NR3C2: variants seen among roughly 807,000 people sequenced by gnomAD.
NR3C2 encodes nuclear receptor subfamily 3 group C member 2, also known as mineralocorticoid receptor.
In NR3C2, 15 loss-of-function variants were observed where a neutral mutation model predicts 86.4. That is an observed-to-expected ratio of 0.17 (90% CI 0.12 to 0.27). NR3C2 has a LOEUF of 0.27. Ranked by LOEUF, NR3C2 falls within the 10% of genes least tolerant of loss-of-function variation. NR3C2 has a pLI of 1.00. For synonymous variants in NR3C2, 458 were observed against 450.5 expected (o/e 1.02, Z -0.21); for missense variants, 960 against 1,195.6 (o/e 0.80, Z 2.91).
At position 148,108,501 on chromosome 4, in the gene NR3C2, C is replaced by T. The variant is rs1578890642; in HGVS notation, c.2799+5603G>A. Among the ~76,000 whole-genome samples the T allele has an allele frequency of 4.6e-5, 7 of 152,332 alleles. No individual in the cohort carries two copies. In the South Asian group the frequency reaches 1.5e-3, roughly 32 times the overall value. On this transcript the variant is annotated intron_variant, in intron 8 of 8. Coordinates refer to ENST00000358102, the MANE Select transcript of NR3C2 (RefSeq NM_000901.5). ...TACCACCAGATTTCTGTTCCTCACA[C>T]TACCCACCTTGCCCCTCTTGGAGCA... is the stretch of plus-strand genomic sequence containing the variant.
Position 148,081,165 on chromosome 4 carries a change from C to A in NR3C2, c.*179G>T. The stretch of plus-strand genomic sequence containing the variant: ...AATCCTTCAGACTGCTCTGGTCTCG[C>A]CAAATCCACGGAAAAACAGCTTTCC... On this transcript the variant is annotated 3_prime_UTR_variant, in exon 9 of 9. Transcript: ENST00000358102. 1 of 830,098 alleles carries A rather than the reference C, an allele frequency of 1.2e-6. No individual in the cohort carries two copies. The highest frequency in any genetic ancestry group is 2.0e-6 in the Non-Finnish European group (1 of 509,858). The allele number at this position is 830,098 out of a possible 1,614,324, so 51.4% of individuals were successfully genotyped here. A position where few individuals can be genotyped will look rare whatever the true frequency, so the allele number is the denominator to read the frequency against.
At chr4:148,326,445 T>G (rs1743976659) in intron 2 of NR3C2, among the ~76,000 whole-genome samples, 1 of 151,802 alleles carries the variant, frequency 6.6e-6, no homozygotes, top group Non-Finnish European at 1.5e-5. Context: ...AAAATAAATA[T>G]TTTTGAAGCA....
intron 2 of NR3C2, among the ~76,000 whole-genome samples, chr4:148,345,388 A>T (rs1395332823): frequency 6.6e-6 from 1 of 152,084 alleles, no homozygotes; most frequent in African/African-American, 2.4e-5. Flanking sequence ...AATAATTGGC[A>T]AGAGTAAAAA....
intron 2 of NR3C2, among the ~76,000 whole-genome samples, chr4:148,295,954 C>T (rs1179972164): frequency 1.4e-5 from 2 of 145,836 alleles, no homozygotes; most frequent in East Asian, 4.1e-4. Context: ...AAATTTCATC[C>T]AGAAACATGG....
chr4:148,194,282 C>T (rs1379598662), intron 4 of NR3C2, among the ~76,000 whole-genome samples: 1 of 152,150 alleles, frequency 6.6e-6, no homozygotes, highest in Non-Finnish European at 1.5e-5. Context: ...TTTTTACCCT[C>T]TCCTCCTCTT....
intron 2 of NR3C2, among the ~76,000 whole-genome samples, chr4:148,396,459 A>G (rs1234975192): frequency 6.6e-6 from 1 of 152,240 alleles, no homozygotes; most frequent in Non-Finnish European, 1.5e-5. Flanking sequence ...CCTCTTGTTA[A>G]CAAAGACTTT....
intron 2 of NR3C2, among the ~76,000 whole-genome samples, chr4:148,368,637 T>C (rs1579214462): frequency 6.6e-6 from 1 of 152,098 alleles, no homozygotes; most frequent in South Asian, 2.1e-4. Flanking sequence ...CAATATATAA[T>C]GGTTCGCTGA....
At position 148,080,633 on chromosome 4, in the gene NR3C2, AAT is replaced by A. The variant is rs1427157273; in HGVS notation, c.*709_*710del. 5.4e-6 allele frequency: 1 copy of A among 185,246 alleles called. No individual in the cohort carries two copies. The highest frequency in any genetic ancestry group is 2.3e-5 in the African/African-American group (1 of 43,296). 11.5% of individuals were successfully genotyped at this position (185,246 alleles called of 1,614,324 possible). On this transcript the variant is annotated 3_prime_UTR_variant, in exon 9 of 9. Coordinates refer to ENST00000358102, the MANE Select transcript of NR3C2 (RefSeq NM_000901.5). ...GTCCTTCATAATTTATACATACAGT[AAT>A]GTACAGCACAGCAAAAGACTGCAAA...
chr4:148,425,664 A>G (rs1161189668), intron 2 of NR3C2, among the ~76,000 whole-genome samples: 1 of 152,144 alleles, frequency 6.6e-6, no homozygotes, highest in Non-Finnish European at 1.5e-5. Context: ...TACAGACCCT[A>G]AATTATTTTA....
intron 2 of NR3C2, among the ~76,000 whole-genome samples, chr4:148,305,844 G>T (rs1742588455): frequency 6.6e-6 from 1 of 152,178 alleles, no homozygotes; most frequent in Non-Finnish European, 1.5e-5. Context: ...AAAACTCATA[G>T]AAGTTATTAA....
chr4:148,091,963 G>A (rs943016111), intron 8 of NR3C2, among the ~76,000 whole-genome samples: 1 of 152,096 alleles, frequency 6.6e-6, no homozygotes, highest in Non-Finnish European at 1.5e-5. Flanking sequence ...CAGTTCATCA[G>A]GATGTGTCAG....
At chr4:148,324,149 C>CTATACA (rs1353555372) in intron 2 of NR3C2, among the ~76,000 whole-genome samples, 1 of 152,146 alleles carries the variant, frequency 6.6e-6, no homozygotes, top group East Asian at 1.9e-4. Flanking sequence ...CTGAGAAAGA[C>CTATACA]TATACATCCT....
intron 2 of NR3C2, among the ~76,000 whole-genome samples, chr4:148,339,812 T>G (rs1157841900): frequency 6.6e-6 from 1 of 152,014 alleles, no homozygotes; most frequent in Admixed American, 6.6e-5. Context: ...AAAAATTAGA[T>G]CAAAACATTG....
At position 148,435,146 on chromosome 4, in the gene NR3C2, T is replaced by C; in HGVS notation, c.1715A>G (p.Asp572Gly). The change falls in exon 2 of 9, where the codon GAT (aspartate) becomes GGT (glycine). Residue 572 changes from aspartate to glycine, a missense_variant. By Grantham distance (94) the Asp-to-Gly change is moderately conservative. Transcript: ENST00000358102. The stretch of plus-strand genomic sequence containing the variant: ...AATGTATTCTAAGACCGGATACCCA[T>C]CACTTCTTCTAGACGACAGGTCGCC... Reference protein sequence around the residue: ...SHGDLSSRRSDGYPVLEYIPE... With the variant: ...SHGDLSSRRSGGYPVLEYIPE... 1 of 1,614,172 alleles carries C rather than the reference T, an allele frequency of 6.2e-7. No homozygotes were observed. The highest frequency in any genetic ancestry group is 1.1e-5 in the South Asian group (1 of 91,086).
intron 7 of NR3C2, among the ~76,000 whole-genome samples, chr4:148,117,228 A>G (rs1732311252): frequency 6.6e-6 from 1 of 152,222 alleles, no homozygotes; most frequent in South Asian, 2.1e-4. Context: ...ATTGAATTCA[A>G]TGAAAATAAA....
chr4:148,347,523 G>C (rs1745053895), intron 2 of NR3C2, among the ~76,000 whole-genome samples: 1 of 152,032 alleles, frequency 6.6e-6, no homozygotes, highest in Admixed American at 6.6e-5. Flanking sequence ...TGTATGTCTA[G>C]TATTAATTTC....
intron 6 of NR3C2, among the ~76,000 whole-genome samples, chr4:148,130,786 C>T (rs1251421356): frequency 2.2e-5 from 3 of 139,444 alleles, no homozygotes; most frequent in Non-Finnish European, 4.6e-5. Flanking sequence ...TCAATGAACA[C>T]GTTTTTTTTT....
chr4:148,187,094 GT>G (rs1396890207), intron 4 of NR3C2, among the ~76,000 whole-genome samples: 1 of 143,598 alleles, frequency 7.0e-6, no homozygotes, highest in Non-Finnish European at 1.5e-5. Flanking sequence ...ATATATCACA[GT>G]TTCTTTATCC....
intron 3 of NR3C2, among the ~76,000 whole-genome samples, chr4:148,204,296 A>G (rs1172428613): frequency 6.6e-6 from 1 of 152,216 alleles, no homozygotes; most frequent in Non-Finnish European, 1.5e-5. Flanking sequence ...AGTGACTTAC[A>G]TTTCTCACAC....
Sources: gnomAD v4.1 joint callset for allele counts (sites outside exome capture counted in the v4.1 genomes callset) on GRCh38, gnomAD v4.1.1 for gene constraint, MANE v1.5 for transcripts, NCBI Gene and HGNC (gene_info 2026-07-23, HGNC 2026-07-21) for gene names.